Variants in AFF3 observed in about 807,000 individuals in gnomAD.
AFF3 encodes ALF transcription elongation factor 3.
AFF3 carries 32 observed loss-of-function variants against 129.7 expected under a neutral mutation model. The observed-to-expected ratio is 0.25, with a 90% confidence interval of 0.19 to 0.33. The LOEUF (loss-of-function observed/expected upper bound fraction) is 0.33. Among genes scored for constraint, AFF3 ranks in the 10% least tolerant of loss-of-function variants. AFF3 has a pLI of 1.00. For missense variants in AFF3, 1,373 were observed against 1,592.0 expected, an observed-to-expected ratio of 0.86 and a Z score of 2.34; for synonymous variants, 644 against 635.4, an observed-to-expected ratio of 1.01 and a Z score of -0.20.
rs1162977956 is a variant in AFF3, at chr2:99,725,413, G to A, written c.1091+1664C>T. 3.9e-4 allele frequency among the ~76,000 whole-genome samples: 59 copies of A among 152,168 alleles called. 1 individual carries two copies. The highest frequency in any genetic ancestry group is 8.8e-5 in the Non-Finnish European group (6 of 68,014). Reference sequence around the variant, plus strand: ...TTGTCACCCAGGCTGGAGCACAGTGGCATGATCCTGGGTTTAAGCTATTCT... The same window carrying A: ...TTGTCACCCAGGCTGGAGCACAGTGACATGATCCTGGGTTTAAGCTATTCT... On this transcript the variant is annotated intron_variant, in intron 11 of 24. Coordinates refer to ENST00000672756, the MANE Select transcript of AFF3 (RefSeq NM_001386135.1).
In AFF3 at chr2:99,549,057, T is replaced by C. The variant is rs1385769671; in HGVS notation, c.*2417A>G. 1 of 227,976 alleles carries C rather than the reference T, an allele frequency of 4.4e-6. No individual in the cohort carries two copies. Among genetic ancestry groups the C allele is most frequent in the Non-Finnish European group, 8.7e-6 (1 of 114,894 alleles). 14.1% of individuals were successfully genotyped at this position (227,976 alleles called of 1,614,324 possible). ...GTCAAATGGGGCTTCACAGGGAAGC[T>C]CATCACATAGATGTTACAACAAAGT... is the stretch of plus-strand genomic sequence containing the variant. On this transcript the variant is annotated 3_prime_UTR_variant, in exon 25 of 25. Transcript: ENST00000672756.
At chr2:100,075,999 T>A (rs938174048) in intron 4 of AFF3, among the ~76,000 whole-genome samples, 5 of 152,136 alleles carry the variant, frequency 3.3e-5, no homozygotes, top group Non-Finnish European at 7.4e-5. Context: ...CCAGGTAGTG[T>A]TAAATCTGGT....
At chr2:100,016,063 GTGA>G (rs1683006195) in intron 4 of AFF3, among the ~76,000 whole-genome samples, 2 of 151,402 alleles carry the variant, frequency 1.3e-5, no homozygotes, top group South Asian at 4.2e-4. Context: ...GATAATGGTG[GTGA>G]TGACAGTGAT....
At chr2:99,698,232 T>C (rs1448662916) in intron 11 of AFF3, among the ~76,000 whole-genome samples, 4 of 152,220 alleles carry the variant, frequency 2.6e-5, no homozygotes, top group Non-Finnish European at 5.9e-5. Context: ...AGCTTACTTG[T>C]GTTTTTTAAA....
Position 99,910,098 on chromosome 2 carries a change from G to T in AFF3, c.874-72574C>A, listed in dbSNP as rs866310469. Among the ~76,000 whole-genome samples the T allele has an allele frequency of 5.3e-5, 8 of 152,214 alleles. 1 individual carries two copies. The Middle Eastern group carries it at 0.014, about 259-fold the overall frequency. On this transcript the variant is annotated intron_variant, in intron 7 of 24. Transcript: ENST00000672756. ...TGAAATGAACTTTGAAATACAAAAT[G>T]TACTGATTTGGATTGAAAAGAGCAT... is the stretch of plus-strand genomic sequence containing the variant.
chr2:99,949,824 G>A (rs973902504), intron 7 of AFF3, among the ~76,000 whole-genome samples: 2 of 152,182 alleles, frequency 1.3e-5, no homozygotes, highest in Non-Finnish European at 1.5e-5. Flanking sequence ...GTAGCGGTCC[G>A]TGGCCCAGGG....
chr2:100,122,441 T>C (rs1692017783), intron 2 of AFF3, among the ~76,000 whole-genome samples: 1 of 152,248 alleles, frequency 6.6e-6, no homozygotes, highest in South Asian at 2.1e-4. Context: ...TGTGTCAACA[T>C]TTTGTAGATG....
At chr2:99,786,392 T>C (rs1684794828) in intron 8 of AFF3, among the ~76,000 whole-genome samples, 1 of 152,178 alleles carries the variant, frequency 6.6e-6, no homozygotes, top group African/African-American at 2.4e-5. Flanking sequence ...GTTGTGGCTA[T>C]TGCAATGATT....
intron 12 of AFF3, among the ~76,000 whole-genome samples, chr2:99,659,722 G>A (rs182763775): frequency 2.1e-3 from 314 of 152,244 alleles, no homozygotes; most frequent in Non-Finnish European, 2.8e-3. Context: ...TGAGGCGATC[G>A]TATGCACACG....
At chr2:100,113,051 C>T (rs1045560448) in intron 2 of AFF3, among the ~76,000 whole-genome samples, 3 of 152,152 alleles carry the variant, frequency 2.0e-5, no homozygotes, top group Non-Finnish European at 4.4e-5. Context: ...GCCCAAATCC[C>T]CATGCTGTCA....
chr2:99,956,440 GA>G (rs982316495), intron 7 of AFF3, among the ~76,000 whole-genome samples: 5 of 152,226 alleles, frequency 3.3e-5, no homozygotes, highest in African/African-American at 7.2e-5. Context: ...ACTGAAGTTG[GA>G]GGGGGGGGCT....
At chr2:100,090,655 T>TTACA (rs960456862) in intron 4 of AFF3, among the ~76,000 whole-genome samples, 2 of 151,820 alleles carry the variant, frequency 1.3e-5, no homozygotes, top group South Asian at 2.1e-4. Context: ...TGGAGACCAT[T>TTACA]TACATACATA....
At chr2:100,114,729 G>T (rs1691664280) in intron 2 of AFF3, among the ~76,000 whole-genome samples, 1 of 152,064 alleles carries the variant, frequency 6.6e-6, no homozygotes, top group Non-Finnish European at 1.5e-5. Context: ...AACAGAAAGG[G>T]TGGGTGCTGG....
chr2:99,570,526 C>T (rs534742179), intron 18 of AFF3, among the ~76,000 whole-genome samples: 5 of 152,080 alleles, frequency 3.3e-5, no homozygotes, highest in Non-Finnish European at 5.9e-5. Flanking sequence ...TTAGTGGAGA[C>T]GGGGTTTTGC....
At chr2:99,667,199 T>C (rs867675682) in intron 12 of AFF3, among the ~76,000 whole-genome samples, 1 of 152,096 alleles carries the variant, frequency 6.6e-6, no homozygotes, top group South Asian at 2.1e-4. Context: ...TCTCTGACCA[T>C]AAAGGAACCA....
intron 7 of AFF3, among the ~76,000 whole-genome samples, chr2:99,895,349 G>C (rs1197718461): frequency 1.3e-5 from 2 of 152,202 alleles, no homozygotes; most frequent in African/African-American, 4.8e-5. Context: ...TTTTTAAAGT[G>C]TTTTTTAAGT....
At chr2:99,627,276 G>C (rs1682679553) in intron 13 of AFF3, among the ~76,000 whole-genome samples, 1 of 151,972 alleles carries the variant, frequency 6.6e-6, no homozygotes, top group Admixed American at 6.6e-5. Context: ...ATTCTGATTG[G>C]TGTGAGATGG....
chr2:100,118,238 A>C (rs1691803105), intron 2 of AFF3, among the ~76,000 whole-genome samples: 1 of 152,188 alleles, frequency 6.6e-6, no homozygotes, highest in South Asian at 2.1e-4. Flanking sequence ...CATTTATCCA[A>C]ATAAAGTTTT....
intron 13 of AFF3, among the ~76,000 whole-genome samples, chr2:99,648,879 ACGCGCG>A (rs752967402): frequency 1.8e-5 from 2 of 109,444 alleles, no homozygotes; most frequent in Non-Finnish European, 3.7e-5. Flanking sequence ...TCCTCAAAAC[ACGCGCG>A]CACACACACA....
Sources: gnomAD v4.1 joint callset for allele counts (sites outside exome capture counted in the v4.1 genomes callset) on GRCh38, gnomAD v4.1.1 for gene constraint, MANE v1.5 for transcripts, NCBI Gene and HGNC (gene_info 2026-07-23, HGNC 2026-07-21) for gene names.